Variants in GRM7 observed in about 807,000 individuals in gnomAD.
The protein encoded by GRM7 is metabotropic glutamate receptor 7.
Under a neutral mutation model 84.5 loss-of-function variants are expected in GRM7, and 35 were observed. The ratio of observed to expected loss-of-function variants is 0.41; its 90% confidence interval spans 0.32 to 0.55. The LOEUF (loss-of-function observed/expected upper bound fraction) is 0.55. Among genes scored for constraint, GRM7 ranks in the 20% least tolerant of loss-of-function variants. The pLI, the probability that GRM7 is intolerant of heterozygous loss-of-function variation, is 0.19. For missense variants in GRM7, 1,003 were observed against 1,194.6 expected, an observed-to-expected ratio of 0.84 and a Z score of 2.36; for synonymous variants, 487 against 455.1, an observed-to-expected ratio of 1.07 and a Z score of -0.89.
chr3:6,943,088 T>A (rs1039619913), intron 1 of GRM7, among the ~76,000 whole-genome samples: 3 of 152,034 alleles, frequency 2.0e-5, no homozygotes, highest in Non-Finnish European at 4.4e-5. Flanking sequence ...GTTTTTAAAA[T>A]ACTTCATATA....
chr3:7,532,844 T>A (rs1701094615), intron 7 of GRM7, among the ~76,000 whole-genome samples: 1 of 139,030 alleles, frequency 7.2e-6, no homozygotes. Flanking sequence ...CATCCTAGTC[T>A]CTGATAAAAC....
chr3:7,103,113 T>C (rs997820260), intron 1 of GRM7, among the ~76,000 whole-genome samples: 13 of 151,880 alleles, frequency 8.6e-5, no homozygotes, highest in African/African-American at 3.1e-4. Flanking sequence ...TCTCATATTT[T>C]ATTATGTTAA....
Position 7,187,396 on chromosome 3 carries a change from G to A in GRM7, c.736+40728G>A, listed in dbSNP as rs554145447. On this transcript the variant is annotated intron_variant, in intron 2 of 9. Coordinates refer to ENST00000357716, the MANE Select transcript of GRM7 (RefSeq NM_000844.4). The stretch of plus-strand genomic sequence containing the variant: ...TGTTTGTCTCTCTCACCCTCCATAA[G>A]TTTAGCAAGGCTAGGATATATTTAT... 2.6e-5 allele frequency among the ~76,000 whole-genome samples: 4 copies of A among 152,286 alleles called. No homozygotes were observed. In the South Asian group the frequency reaches 8.3e-4, roughly 32 times the overall value.
intron 1 of GRM7, among the ~76,000 whole-genome samples, chr3:6,972,798 A>T (rs1693811251): frequency 6.6e-6 from 1 of 152,190 alleles, no homozygotes; most frequent in African/African-American, 2.4e-5. Flanking sequence ...CCCCCAAAAT[A>T]GCTTGACTTT....
At chr3:7,600,915 A>AAATAGATAG (rs1243889741) in intron 8 of GRM7, among the ~76,000 whole-genome samples, 2 of 152,148 alleles carry the variant, frequency 1.3e-5, no homozygotes, top group East Asian at 3.9e-4. Flanking sequence ...AGACAGACAG[A>AAATAGATAG]AATAGATAGC....
intron 8 of GRM7, among the ~76,000 whole-genome samples, chr3:7,628,325 A>G (rs183221604): frequency 2.6e-5 from 4 of 152,240 alleles, no homozygotes; most frequent in Non-Finnish European, 4.4e-5. Flanking sequence ...CCTTCATTAT[A>G]TTTCACAGCT....
intron 4 of GRM7, among the ~76,000 whole-genome samples, chr3:7,369,621 A>G (rs933645780): frequency 1.3e-5 from 2 of 152,190 alleles, no homozygotes; most frequent in African/African-American, 4.8e-5. Flanking sequence ...TTGTCATATG[A>G]GTTTTCATAA....
chr3:7,578,022 A>T (rs539136280), intron 7 of GRM7, among the ~76,000 whole-genome samples: 1 of 152,318 alleles, frequency 6.6e-6, no homozygotes, highest in African/African-American at 2.4e-5. Context: ...TGGGACATTT[A>T]TACTTATTAC....
chr3:7,350,779 T>C (rs969437659), intron 4 of GRM7, among the ~76,000 whole-genome samples: 2 of 152,064 alleles, frequency 1.3e-5, no homozygotes, highest in African/African-American at 4.8e-5. Flanking sequence ...GTTAGAGTCT[T>C]CTCCGATGGT....
In GRM7 at chr3:7,516,132, C is replaced by CCAGCCTGG. The variant is rs1700367941; in HGVS notation, c.1515+54411_1515+54418dup. ...GTGAGTGTGATCACACCACTGCACT[C>CCAGCCTGG]CAGCCTGGGCAACAGAGTTGACACC... On this transcript the variant is annotated intron_variant, in intron 7 of 9. Transcript: ENST00000357716. Among the ~76,000 whole-genome samples, 3 of 140,534 alleles carry CCAGCCTGG rather than the reference C, an allele frequency of 2.1e-5. No individual in the cohort carries two copies. The South Asian group carries it at 6.8e-4, about 32-fold the overall frequency. 92.2% of individuals were successfully genotyped at this position (140,534 alleles called of 152,430 possible).
chr3:7,266,154 G>T (rs1698629438), intron 2 of GRM7, among the ~76,000 whole-genome samples: 1 of 152,070 alleles, frequency 6.6e-6, no homozygotes, highest in South Asian at 2.1e-4. Flanking sequence ...ACAAATGAAG[G>T]TACAATAATA....
intron 4 of GRM7, among the ~76,000 whole-genome samples, chr3:7,339,330 T>C (rs982503643): frequency 2.0e-5 from 3 of 152,100 alleles, no homozygotes; most frequent in African/African-American, 7.2e-5. Context: ...TTTGCCCCTC[T>C]TTTTCTTTCT....
At chr3:7,667,124 C>T (rs190506985) in intron 8 of GRM7, among the ~76,000 whole-genome samples, 5 of 152,072 alleles carry the variant, frequency 3.3e-5, no homozygotes, top group African/African-American at 1.2e-4. Flanking sequence ...AAAAAAATAG[C>T]CAGAGGTGGT....
intron 7 of GRM7, among the ~76,000 whole-genome samples, chr3:7,550,826 C>T (rs1693432651): frequency 6.6e-6 from 1 of 151,996 alleles, no homozygotes; most frequent in South Asian, 2.1e-4. Flanking sequence ...ACTCAAATCC[C>T]AGCTCCCTTG....
At chr3:6,994,284 G>A (rs1425515370) in intron 1 of GRM7, among the ~76,000 whole-genome samples, 1 of 152,162 alleles carries the variant, frequency 6.6e-6, no homozygotes, top group Non-Finnish European at 1.5e-5. Flanking sequence ...AATGTGGGTA[G>A]AGATCTACAG....
intron 4 of GRM7, among the ~76,000 whole-genome samples, chr3:7,396,321 A>G (rs1013219010): frequency 1.3e-5 from 2 of 152,140 alleles, no homozygotes; most frequent in African/African-American, 2.4e-5. Context: ...GTGAATCTGA[A>G]GAGAGGTTTC....
intron 8 of GRM7, among the ~76,000 whole-genome samples, chr3:7,675,306 C>T (rs1434100115): frequency 6.6e-6 from 1 of 152,168 alleles, no homozygotes; most frequent in African/African-American, 2.4e-5. Flanking sequence ...ATCATTATTA[C>T]AACTATTAAC....
chr3:7,514,446 C>T (rs1363850320), intron 7 of GRM7, among the ~76,000 whole-genome samples: 1 of 152,178 alleles, frequency 6.6e-6, no homozygotes, highest in East Asian at 1.9e-4. Flanking sequence ...ACACAAGCTA[C>T]ATTTTCAGAA....
intron 2 of GRM7, among the ~76,000 whole-genome samples, chr3:7,225,036 A>T (rs1696938118): frequency 6.6e-6 from 1 of 152,196 alleles, no homozygotes; most frequent in Admixed American, 6.6e-5. Context: ...TATAATATTT[A>T]GTCTGTGCAG....
Sources: gnomAD v4.1 joint callset for allele counts (sites outside exome capture counted in the v4.1 genomes callset) on GRCh38, gnomAD v4.1.1 for gene constraint, MANE v1.5 for transcripts, NCBI Gene and HGNC (gene_info 2026-07-23, HGNC 2026-07-21) for gene names.